VAV3: variants seen among roughly 807,000 people sequenced by gnomAD.
The protein encoded by VAV3 is guanine nucleotide exchange factor VAV3.
In VAV3, 94 loss-of-function variants were observed where a neutral mutation model predicts 131.2. The observed-to-expected ratio is 0.72, with a 90% CI of 0.61 to 0.85. The LOEUF is 0.85. VAV3 is among the 40% of genes least tolerant of loss of function. VAV3 has a pLI of 0.00. For missense variants in VAV3, 939 were observed against 1,002.7 expected (o/e 0.94, Z 0.86); for synonymous variants, 349 against 342.0 (o/e 1.02, Z -0.22).
At position 107,903,596 on chromosome 1, in the gene VAV3, C is replaced by T. The variant is rs1233169419; in HGVS notation, c.205-28579G>A. On this transcript the variant is annotated intron_variant, in intron 1 of 26. Transcript: ENST00000370056. ...AGTGTGGCAAAGACAGTAATAAGGG[C>T]ATTCACCTAAGATACTCACTACAGA... Among the ~76,000 whole-genome samples the T allele has an allele frequency of 3.3e-5, 5 of 152,226 alleles. No homozygotes were observed. The South Asian group carries it at 6.2e-4, about 19-fold the overall frequency.
At chr1:107,584,984 C>T (rs933927341) in intron 25 of VAV3, among the ~76,000 whole-genome samples, 23 of 152,214 alleles carry the variant, frequency 1.5e-4, no homozygotes, top group African/African-American at 4.8e-4. Context: ...ATAGGTACAG[C>T]CTCTGACATC....
intron 1 of VAV3, among the ~76,000 whole-genome samples, chr1:107,890,552 A>G (rs572217021): frequency 2.6e-5 from 4 of 152,344 alleles, no homozygotes; most frequent in African/African-American, 7.2e-5. Flanking sequence ...CTGGGGCTCA[A>G]TAGTGAATTA....
intron 15 of VAV3, among the ~76,000 whole-genome samples, chr1:107,737,476 C>T (rs1662727107): frequency 6.6e-6 from 1 of 152,112 alleles, no homozygotes; most frequent in African/African-American, 2.4e-5. Context: ...GACTAATATC[C>T]AGAATCTACA....
intron 20 of VAV3, among the ~76,000 whole-genome samples, chr1:107,633,734 C>A (rs1259768119): frequency 1.3e-5 from 2 of 152,136 alleles, no homozygotes; most frequent in Admixed American, 6.6e-5. Context: ...CACTTTTACA[C>A]TCTTGGGAGC....
intron 19 of VAV3, among the ~76,000 whole-genome samples, chr1:107,679,874 T>C (rs757585347): frequency 2.6e-5 from 4 of 152,154 alleles, no homozygotes; most frequent in Non-Finnish European, 5.9e-5. Flanking sequence ...GGAAGAAAAG[T>C]ACAAACTGAT....
At chr1:107,751,554 T>C (rs1224904139) in intron 12 of VAV3, among the ~76,000 whole-genome samples, 1 of 152,104 alleles carries the variant, frequency 6.6e-6, no homozygotes, top group Non-Finnish European at 1.5e-5. Flanking sequence ...CCATAACAGG[T>C]GTACGGCAAA....
intron 2 of VAV3, among the ~76,000 whole-genome samples, chr1:107,787,663 T>C (rs12116592): frequency 0.54 from 81,970 of 152,060 alleles, 22,596 homozygotes; most frequent in Non-Finnish European, 0.61. Context: ...GTATTCTAAG[T>C]AGATTCACTT....
At chr1:107,900,330 T>C (rs10785830) in intron 1 of VAV3, among the ~76,000 whole-genome samples, 55,170 of 152,022 alleles carry the variant, frequency 0.36, 10,932 homozygotes, top group African/African-American at 0.54. Context: ...ATGCACCCCT[T>C]ACCACTGCAT....
At chr1:107,626,419 G>T (rs531444224) in intron 20 of VAV3, among the ~76,000 whole-genome samples, 2 of 152,126 alleles carry the variant, frequency 1.3e-5, no homozygotes, top group Admixed American at 1.3e-4. Context: ...TAGGGACTCT[G>T]ATTTAACTCA....
chr1:107,772,384 T>A (rs894633735), intron 5 of VAV3, among the ~76,000 whole-genome samples: 2 of 152,154 alleles, frequency 1.3e-5, no homozygotes, highest in African/African-American at 4.8e-5. Flanking sequence ...AGGGAAAAAT[T>A]TACCTGTGTT....
intron 2 of VAV3, among the ~76,000 whole-genome samples, chr1:107,873,047 T>C (rs1670324278): frequency 6.6e-6 from 1 of 152,198 alleles, no homozygotes; most frequent in African/African-American, 2.4e-5. Flanking sequence ...ATCTTGGCAG[T>C]AGCAAAATGT....
chr1:107,706,495 GA>G (rs1365634526), intron 15 of VAV3, among the ~76,000 whole-genome samples: 2 of 152,204 alleles, frequency 1.3e-5, no homozygotes, highest in East Asian at 1.9e-4. Context: ...CACTTTTTCG[GA>G]AAATGTTCCA....
chr1:107,964,411 C>T, intron 1 of VAV3: 1 of 416,224 alleles, frequency 2.4e-6, no homozygotes, highest in Middle Eastern at 6.7e-4. Context: ...TATTTCTTTC[C>T]CGCCTCACAG....
At chr1:107,845,788 T>C (rs1361719652) in intron 2 of VAV3, among the ~76,000 whole-genome samples, 1 of 151,972 alleles carries the variant, frequency 6.6e-6, no homozygotes, top group East Asian at 1.9e-4. Context: ...CTCCAACAAA[T>C]ATGAAACTAC....
chr1:107,877,300 G>T (rs1168575789), intron 1 of VAV3, among the ~76,000 whole-genome samples: 1 of 151,988 alleles, frequency 6.6e-6, no homozygotes, highest in Non-Finnish European at 1.5e-5. Context: ...ACTCTCTTGG[G>T]GATTATGCAA....
At position 107,817,543 on chromosome 1, in the gene VAV3, G is replaced by A. The variant is rs572500762; in HGVS notation, c.322-38051C>T. Among the ~76,000 whole-genome samples, 11 of 152,304 alleles carry A rather than the reference G, an allele frequency of 7.2e-5. No homozygotes were observed. In the East Asian group the frequency reaches 1.9e-3, roughly 27 times the overall value. ...CATCAAAAGCTCATGAGGAGCAGAG[G>A]AGAGGCAGAATCAGAGCTAAGCTTT... is the stretch of plus-strand genomic sequence containing the variant. On this transcript the variant is annotated intron_variant, in intron 2 of 26. Coordinates refer to ENST00000370056, the MANE Select transcript of VAV3 (RefSeq NM_006113.5).
intron 20 of VAV3, among the ~76,000 whole-genome samples, chr1:107,623,718 A>T (rs575625936): frequency 1.1e-4 from 16 of 152,284 alleles, no homozygotes; most frequent in Non-Finnish European, 2.1e-4. Context: ...ATTCCAAAAT[A>T]CTCATGCACA....
chr1:107,688,391 T>G lies in VAV3; in HGVS notation c.1721A>C (p.Lys574Thr). ...AAATGTTAATCTTACCTCTGGTAGT[T>G]TGAGTGTCCCTTGTTCTGAAAGAAA... ...RVNSGEQGTL[K>T]LPEKRTNGLR... Residue 574 changes from lysine (K) to threonine (T), a missense_variant, in exon 18 of 27, where the codon AAA (lysine) becomes ACA (threonine). By Grantham distance (78) the Lys-to-Thr change is moderately conservative. Coordinates refer to ENST00000370056, the MANE Select transcript of VAV3 (RefSeq NM_006113.5). 1 of 1,613,318 alleles carries G rather than the reference T, an allele frequency of 6.2e-7. No homozygotes were observed. The highest frequency in any genetic ancestry group is 8.5e-7 in the Non-Finnish European group (1 of 1,179,652).
Position 107,842,962 on chromosome 1 carries a change from T to C in VAV3, c.321+31939A>G, listed in dbSNP as rs138155339. 7.8e-3 allele frequency among the ~76,000 whole-genome samples: 1,188 copies of C among 152,172 alleles called. 13 individuals are homozygous for C. Among genetic ancestry groups the C allele is most frequent in the African/African-American group, 0.017 (687 of 41,514 alleles). ...TTCCTATCATGAGGAACTTTATCTA[T>C]GATGAGAGCAGAAGCAGACCTACTG... On this transcript the variant is annotated intron_variant, in intron 2 of 26. Transcript: ENST00000370056.
Sources: gnomAD v4.1 joint callset for allele counts (sites outside exome capture counted in the v4.1 genomes callset) on GRCh38, gnomAD v4.1.1 for gene constraint, MANE v1.5 for transcripts, NCBI Gene and HGNC (gene_info 2026-07-23, HGNC 2026-07-21) for gene names.